The following WNK3 variants were observed in gnomAD, a reference collection of about 807,000 sequenced individuals.
WNK3 encodes the protein WNK lysine deficient protein kinase 3, also known as serine/threonine-protein kinase WNK3.
A neutral mutation model predicts 116.7 loss-of-function variants in WNK3; 18 were observed. The ratio of observed to expected loss-of-function variants is 0.15; its 90% confidence interval spans 0.11 to 0.23. The LOEUF is 0.23. Among genes scored for constraint, WNK3 ranks in the 10% least tolerant of loss-of-function variants. The probability of loss-of-function intolerance (pLI) is 1.00; values close to 1 mark genes in which losing one functional copy is unlikely to be tolerated. For synonymous variants in WNK3, 404 were observed against 469.4 expected (o/e 0.86, Z 1.80); for missense variants, 993 against 1,323.8 (o/e 0.75, Z 3.88).
intron 10 of WNK3, among the ~76,000 whole-genome samples, chrX:54,260,307 G>A (rs2068242241): frequency 8.9e-6 from 1 of 111,924 alleles, no homozygotes; most frequent in East Asian, 2.8e-4. Context: ...AACATTGAGA[G>A]CAAATATTTC....
intron 1 of WNK3, among the ~76,000 whole-genome samples, chrX:54,350,409 CAAA>C (rs1350476250): frequency 1.4e-5 from 1 of 69,565 alleles, no homozygotes; most frequent in Admixed American, 1.7e-4. Flanking sequence ...GACTCTGTCT[CAAA>C]AAAAAAAAAA....
At chrX:54,312,253 G>A (rs1298477609) in intron 2 of WNK3, among the ~76,000 whole-genome samples, 1 of 110,405 alleles carries the variant, frequency 9.1e-6, no homozygotes, top group Non-Finnish European at 1.9e-5. Flanking sequence ...TTGAACCTGG[G>A]AGGCAGAGGT....
chrX:54,257,072 C>A (rs2068200162), intron 11 of WNK3, among the ~76,000 whole-genome samples: 1 of 111,380 alleles, frequency 9.0e-6, no homozygotes, highest in African/African-American at 3.3e-5. Flanking sequence ...GGCTGGGGAC[C>A]CCTAGGACTT....
At chrX:54,224,730 G>C (rs1490817028) in intron 22 of WNK3, among the ~76,000 whole-genome samples, 13 of 109,186 alleles carry the variant, frequency 1.2e-4, no homozygotes, top group South Asian at 8.3e-4. Flanking sequence ...CCACCACACT[G>C]GGCTAATTTT....
chrX:54,219,549 G>A (rs2067737079), intron 22 of WNK3, among the ~76,000 whole-genome samples: 1 of 107,146 alleles, frequency 9.3e-6, no homozygotes, highest in Non-Finnish European at 1.9e-5. Flanking sequence ...CTAGTGGCGG[G>A]CACCTGTAAT....
At chrX:54,335,158 G>A (rs1342394687) in intron 1 of WNK3, among the ~76,000 whole-genome samples, 3 of 109,982 alleles carry the variant, frequency 2.7e-5, no homozygotes, top group Non-Finnish European at 3.8e-5. Flanking sequence ...CCAGCTACCC[G>A]GGAGGCTTAG....
intron 2 of WNK3, among the ~76,000 whole-genome samples, chrX:54,312,980 T>C (rs1343772488): frequency 9.0e-6 from 1 of 111,361 alleles, no homozygotes; most frequent in Non-Finnish European, 1.9e-5. Context: ...TATTTTAGGC[T>C]ATAAATTTTC....
intron 13 of WNK3, among the ~76,000 whole-genome samples, chrX:54,252,078 A>AG (rs2068138627): frequency 9.2e-6 from 1 of 108,600 alleles, no homozygotes; most frequent in African/African-American, 3.3e-5. Flanking sequence ...AAAAAAAAAA[A>AG]AAAAGAAAAG....
At chrX:54,325,389 G>T (rs2069087235) in intron 2 of WNK3, among the ~76,000 whole-genome samples, 1 of 110,695 alleles carries the variant, frequency 9.0e-6, no homozygotes, top group East Asian at 2.8e-4. Context: ...TTAGAAAAAA[G>T]TTCCATTGGC....
chrX:54,254,046 C>G (rs781926556), exon 13 of WNK3: 1 of 1,206,029 alleles, frequency 8.3e-7, no homozygotes, highest in Admixed American at 2.2e-5. Context: ...CCAGCTGACA[C>G]TCTACCATGT....
intron 2 of WNK3, among the ~76,000 whole-genome samples, chrX:54,330,962 G>A (rs1173498902): frequency 2.7e-5 from 3 of 110,250 alleles, no homozygotes; most frequent in Admixed American, 9.8e-5. Flanking sequence ...ACAATGAGCC[G>A]AGATCATGCC....
At chrX:54,279,047 G>A (rs1485591576) in intron 10 of WNK3, among the ~76,000 whole-genome samples, 1 of 110,352 alleles carries the variant, frequency 9.1e-6, no homozygotes, top group Non-Finnish European at 1.9e-5. Flanking sequence ...TAGCCTGGGC[G>A]ACAAGAGCGA....
chrX:54,274,009 T>G (rs1281621943), intron 10 of WNK3, among the ~76,000 whole-genome samples: 2 of 111,495 alleles, frequency 1.8e-5, no homozygotes, highest in African/African-American at 6.5e-5. Flanking sequence ...CTACAGTAAC[T>G]GGCAGCAAGG....
intron 5 of WNK3, among the ~76,000 whole-genome samples, chrX:54,307,657 T>C (rs2068841220): frequency 9.0e-6 from 1 of 111,585 alleles, no homozygotes. Context: ...ATCCATCTAA[T>C]AGATAACTAA....
intron 6 of WNK3, among the ~76,000 whole-genome samples, chrX:54,299,036 A>AGC (rs1557166934): frequency 8.9e-6 from 1 of 112,188 alleles, no homozygotes; most frequent in East Asian, 2.8e-4. Flanking sequence ...ATACAACCCT[A>AGC]GCCTAGTATT....
intron 1 of WNK3, among the ~76,000 whole-genome samples, chrX:54,339,894 T>A (rs1166646903): frequency 9.0e-6 from 1 of 111,693 alleles, no homozygotes; most frequent in East Asian, 2.8e-4. Context: ...GCGCGGTGGC[T>A]CACGCCTCTG....
chrX:54,301,624 T>A (rs1366422084), intron 6 of WNK3, 147 bp downstream of exon 6: 1 of 454,385 alleles, frequency 2.2e-6, no homozygotes, highest in African/African-American at 2.5e-5. Flanking sequence ...GTAAACAACA[T>A]GCACTGATAC....
chrX:54,216,834 A>T (rs782320486), intron 22 of WNK3, among the ~76,000 whole-genome samples: 35 of 112,133 alleles, frequency 3.1e-4, no homozygotes, highest in Non-Finnish European at 5.1e-4. Context: ...CCAGGTGTGA[A>T]CCTTGGGAAA....
chrX:54,316,281 G>A (rs993470743), intron 2 of WNK3, among the ~76,000 whole-genome samples: 1 of 110,471 alleles, frequency 9.1e-6, no homozygotes, highest in African/African-American at 3.3e-5. Context: ...GCTCATGCCC[G>A]TAACCCCAGC....
Sources: gnomAD v4.1 joint callset for allele counts (sites outside exome capture counted in the v4.1 genomes callset) on GRCh38, gnomAD v4.1.1 for gene constraint, MANE v1.5 for transcripts, NCBI Gene and HGNC (gene_info 2026-07-23, HGNC 2026-07-21) for gene names.